Variants in SOX6 observed in about 807,000 individuals in gnomAD.
SOX6 encodes SRY-box transcription factor 6.
In SOX6, 11 loss-of-function variants were observed where a neutral mutation model predicts 97.8. That is an observed-to-expected ratio of 0.11 (90% CI 0.07 to 0.19). The LOEUF is 0.19. Ranked by LOEUF, SOX6 falls within the 10% of genes least tolerant of loss-of-function variation. SOX6 has a pLI of 1.00. For synonymous variants in SOX6, 360 were observed against 371.4 expected, an observed-to-expected ratio of 0.97 and a Z score of 0.35; for missense variants, 810 against 1,039.5, an observed-to-expected ratio of 0.78 and a Z score of 3.04.
chr11:16,099,461 C>T (rs900208150), intron 7 of SOX6, among the ~76,000 whole-genome samples: 3 of 151,660 alleles, frequency 2.0e-5, no homozygotes, highest in Non-Finnish European at 4.4e-5. Flanking sequence ...GGAAAAAAAT[C>T]ACCATTCTAA....
chr11:15,984,516 T>A (rs1258411037), intron 15 of SOX6, among the ~76,000 whole-genome samples: 1 of 152,196 alleles, frequency 6.6e-6, no homozygotes, highest in African/African-American at 2.4e-5. Context: ...TAAAAGAGAA[T>A]GTTTATCACA....
At chr11:16,721,618 C>CT (rs1848267458) in intron 2 of SOX6, among the ~76,000 whole-genome samples, 1 of 22,352 alleles carries the variant, frequency 4.5e-5, no homozygotes, top group African/African-American at 2.0e-4. Flanking sequence ...TCCCTCCCTC[C>CT]CTCTCTCTCT....
chr11:16,382,909 A>C (rs550402392), intron 1 of SOX6, among the ~76,000 whole-genome samples: 1 of 151,864 alleles, frequency 6.6e-6, no homozygotes, highest in East Asian at 1.9e-4. Flanking sequence ...TCTCTTAAGC[A>C]CCATTAAAAA....
intron 12 of SOX6, among the ~76,000 whole-genome samples, chr11:16,020,123 T>TCC (rs1258920988): frequency 1.3e-5 from 2 of 152,156 alleles, no homozygotes; most frequent in Non-Finnish European, 2.9e-5. Context: ...CAGCTTCCCC[T>TCC]CCTTTCCTGT....
At chr11:16,422,399 A>G (rs1674130358) in intron 1 of SOX6, among the ~76,000 whole-genome samples, 1 of 152,184 alleles carries the variant, frequency 6.6e-6, no homozygotes, top group Non-Finnish European at 1.5e-5. Context: ...TAGTTTCATT[A>G]TTCACCATCA....
chr11:16,265,326 G>A (rs1350944288), intron 3 of SOX6, among the ~76,000 whole-genome samples: 1 of 151,858 alleles, frequency 6.6e-6, no homozygotes, highest in Non-Finnish European at 1.5e-5. Flanking sequence ...TCATGATTTG[G>A]TGCATCACAC....
intron 2 of SOX6, among the ~76,000 whole-genome samples, chr11:16,723,938 T>G (rs1294836931): frequency 6.6e-6 from 1 of 152,204 alleles, no homozygotes; most frequent in Non-Finnish European, 1.5e-5. Flanking sequence ...CCAAAGAATT[T>G]CTGTGACTCT....
chr11:16,054,857 A>G (rs565434263), intron 10 of SOX6, among the ~76,000 whole-genome samples: 1 of 152,310 alleles, frequency 6.6e-6, no homozygotes, highest in East Asian at 1.9e-4. Flanking sequence ...TGCAATCATA[A>G]AACCAACAAG....
At chr11:16,569,619 T>G (rs1309262093) in intron 4 of SOX6, among the ~76,000 whole-genome samples, 2 of 152,202 alleles carry the variant, frequency 1.3e-5, no homozygotes, top group East Asian at 3.9e-4. Context: ...ATGTACCACC[T>G]TGCATAAATG....
intron 1 of SOX6, among the ~76,000 whole-genome samples, chr11:16,467,774 C>T (rs944191257): frequency 6.6e-6 from 1 of 151,862 alleles, no homozygotes; most frequent in African/African-American, 2.4e-5. Context: ...GCACATGTAC[C>T]CCTGAACTTA....
chr11:16,574,922 C>T (rs1248283602), intron 4 of SOX6, among the ~76,000 whole-genome samples: 1 of 151,964 alleles, frequency 6.6e-6, no homozygotes, highest in African/African-American at 2.4e-5. Flanking sequence ...CGCCTGTAAT[C>T]TCAGCCACTC....
At chr11:16,000,715 AGTGTGTGTGTGTGTGCGCGCGTGCGCGT>A (rs1854379034) in intron 13 of SOX6, among the ~76,000 whole-genome samples, 1 of 151,686 alleles carries the variant, frequency 6.6e-6, no homozygotes, top group Non-Finnish European at 1.5e-5. Flanking sequence ...AGAGGATGAC[AGTGTGTGTGTGTGTGCGCGCGTGCGCGT>A]GTGTGTGTGT....
At chr11:16,673,422 A>G (rs991098425) in intron 3 of SOX6, among the ~76,000 whole-genome samples, 2 of 152,166 alleles carry the variant, frequency 1.3e-5, no homozygotes, top group African/African-American at 4.8e-5. Context: ...AAAAAGAGAC[A>G]TTACTACTGA....
At chr11:16,103,993 A>ATAAAAAT (rs140590500) in intron 7 of SOX6, among the ~76,000 whole-genome samples, 8,238 of 151,732 alleles carry the variant, frequency 0.054, 580 homozygotes, top group East Asian at 0.36. Context: ...AATAAAACAA[A>ATAAAAAT]TAAAAATTAA....
intron 4 of SOX6, among the ~76,000 whole-genome samples, chr11:16,195,422 C>A (rs1228837137): frequency 6.6e-6 from 1 of 152,024 alleles, no homozygotes; most frequent in African/African-American, 2.4e-5. Context: ...TCTGAGGTAC[C>A]AAGAATCCTA....
At chr11:16,157,499 T>G (rs558011680) in intron 6 of SOX6, among the ~76,000 whole-genome samples, 1 of 152,178 alleles carries the variant, frequency 6.6e-6, no homozygotes, top group African/African-American at 2.4e-5. Context: ...TGTATTTACA[T>G]GTTCTGTCCC....
intron 4 of SOX6, among the ~76,000 whole-genome samples, chr11:16,558,762 T>C (rs946251834): frequency 1.3e-5 from 2 of 151,998 alleles, no homozygotes; most frequent in Non-Finnish European, 2.9e-5. Flanking sequence ...TGTTCAGCAG[T>C]ACAGTAAGTG....
At chr11:16,322,114 C>A (rs1472448877) in intron 2 of SOX6, among the ~76,000 whole-genome samples, 1 of 152,016 alleles carries the variant, frequency 6.6e-6, no homozygotes, top group Admixed American at 6.6e-5. Flanking sequence ...TTTGTAATTT[C>A]TTAAGAACAG....
chr11:16,638,513 G>C (rs1156751891), intron 3 of SOX6, among the ~76,000 whole-genome samples: 1 of 152,124 alleles, frequency 6.6e-6, no homozygotes, highest in Non-Finnish European at 1.5e-5. Context: ...CACAATGATT[G>C]AGCTAGTTTA....
Sources: gnomAD v4.1 joint callset for allele counts (sites outside exome capture counted in the v4.1 genomes callset) on GRCh38, gnomAD v4.1.1 for gene constraint, MANE v1.5 for transcripts, NCBI Gene and HGNC (gene_info 2026-07-23, HGNC 2026-07-21) for gene names.